NOS2: variants seen among roughly 807,000 people sequenced by gnomAD.
NOS2 encodes the protein nitric oxide synthase 2.
In NOS2, 96 loss-of-function variants were observed where a neutral mutation model predicts 136.0. The ratio of observed to expected loss-of-function variants is 0.71; its 90% CI spans 0.60 to 0.84. NOS2 has a LOEUF of 0.84. Ranked by LOEUF, NOS2 falls within the 40% of genes least tolerant of loss-of-function variation. The probability of loss-of-function intolerance (pLI) is 0.00; values close to 1 mark genes in which losing one functional copy is unlikely to be tolerated. For missense variants in NOS2, 1,237 were observed against 1,496.9 expected, an observed-to-expected ratio of 0.83 and a Z score of 2.87; for synonymous variants, 539 against 587.5, an observed-to-expected ratio of 0.92 and a Z score of 1.20.
At chr17:27,789,576 G>C in intron 3 of NOS2, 28 bp downstream of exon 3, 1 of 1,551,644 alleles carries the variant, frequency 6.4e-7, no homozygotes, top group Non-Finnish European at 8.9e-7. Flanking sequence ...GGAGGAAGGG[G>C]CTTCCCACAC....
chr17:27,787,441 G>A (rs766919180), intron 5 of NOS2, among the ~76,000 whole-genome samples: 11 of 152,174 alleles, frequency 7.2e-5, no homozygotes, highest in African/African-American at 1.9e-4. Context: ...GCCAGGGTTC[G>A]AATTCAGTCA....
chr17:27,769,594 G>C lies in NOS2; in HGVS notation c.1810-10C>G. 6.2e-7 allele frequency: 1 copy of C among 1,609,872 alleles called. No individual in the cohort carries two copies. The highest frequency in any genetic ancestry group is 8.5e-7 in the Non-Finnish European group (1 of 1,176,090). On this transcript the variant is annotated splice_polypyrimidine_tract_variant and intron_variant, in intron 15 of 26. Coordinates refer to ENST00000313735, the MANE Select transcript of NOS2 (RefSeq NM_000625.4). The stretch of plus-strand genomic sequence containing the variant: ...GCGATTTCTTCAGTTTCTAGAAAGA[G>C]AGGGAATGACAGAGTTCTCAAGCCA...
rs750022068 is a variant in NOS2 at position 27,778,690 on chromosome 17, C to T, written c.1281G>A (p.Gln427=). The change falls in exon 11 of 27, where the codon CAG becomes CAA. Residue 427 remains glutamine (Q), a splice_region_variant and synonymous_variant. Transcript: ENST00000313735. The part of the protein sequence containing the change: ...EINIAVLHSF[Q]KQNVTIMDHH... The stretch of plus-strand genomic sequence containing the variant: ...CAGACTCACAAAACTCCAGACATAC[C>T]TGGAAACTATGGAGCACAGCAATGT... The T allele has an allele frequency of 2.5e-6, 4 of 1,613,378 alleles. No homozygotes were observed. The highest frequency in any genetic ancestry group is 3.4e-6 in the Non-Finnish European group (4 of 1,179,328).
chr17:27,790,343 C>G (rs1450130250), intron 2 of NOS2, among the ~76,000 whole-genome samples: 1 of 152,216 alleles, frequency 6.6e-6, no homozygotes, highest in East Asian at 1.9e-4. Context: ...ATCCTCCCAC[C>G]TTAGCCTCCC....
chr17:27,787,365 G>A (rs1395866300), intron 5 of NOS2, among the ~76,000 whole-genome samples: 5 of 152,182 alleles, frequency 3.3e-5, no homozygotes, highest in Non-Finnish European at 1.5e-5. Flanking sequence ...TTTATATTAG[G>A]TTGGTGCAAA....
intron 16 of NOS2, 84 bp downstream of exon 16, chr17:27,769,450 CT>C: frequency 5.2e-6 from 6 of 1,162,974 alleles, no homozygotes; most frequent in Non-Finnish European, 7.8e-6. Flanking sequence ...AGAAGACCCC[CT>C]GTGCACACCC....
At chr17:27,772,562 G>C in intron 13 of NOS2, 110 bp from the exon 14 acceptor site, 2 of 1,297,600 alleles carry the variant, frequency 1.5e-6, no homozygotes, top group Non-Finnish European at 2.1e-6. Context: ...GGCAGGTTGA[G>C]GGAAAAGCAA....
intron 20 of NOS2, among the ~76,000 whole-genome samples, chr17:27,765,074 C>A (rs1009881125): frequency 6.6e-6 from 1 of 152,192 alleles, no homozygotes. Context: ...CACCTCCTGG[C>A]TTCAAGCGAT....
Position 27,767,739 on chromosome 17 carries a change from G to A in NOS2, c.2133C>T (p.Leu711=), listed in dbSNP as rs372087026. The part of the protein sequence containing the change: ...NVTWDPHHYR[L]VQDSQPLDLS... ...GGTCCAAAGGCTGTGAGTCCTGCAC[G>A]AGCCTGTAGTGGTGCGGGTCCCAGG... is the stretch of plus-strand genomic sequence containing the variant. Residue 711 remains leucine (L), a synonymous_variant, in exon 18 of 27, where the codon CTC becomes CTT. Transcript: ENST00000313735. 108 of 1,613,586 alleles carry A rather than the reference G, an allele frequency of 6.7e-5. No homozygotes were observed. The highest frequency in any genetic ancestry group is 8.6e-5 in the Non-Finnish European group (101 of 1,180,026).
Position 27,778,680 on chromosome 17 carries a change from C to G in NOS2, c.1281+10G>C, listed in dbSNP as rs1474682816. On this transcript the variant is annotated intron_variant, in intron 11 of 26. Coordinates refer to ENST00000313735, the MANE Select transcript of NOS2 (RefSeq NM_000625.4). ...AAAAAGTCTTCAGACTCACAAAACTCCAGACATACCTGGAAACTATGGAGC... is the reference window on the plus strand; with the variant it reads ...AAAAAGTCTTCAGACTCACAAAACTGCAGACATACCTGGAAACTATGGAGC... 3 of 1,610,722 alleles carry G rather than the reference C, an allele frequency of 1.9e-6. No homozygotes were observed. In the Admixed American group the frequency reaches 5.0e-5, roughly 27 times the overall value.
chr17:27,781,254 C>T, intron 7 of NOS2, 77 bp from the exon 8 acceptor site: 2 of 1,471,048 alleles, frequency 1.4e-6, no homozygotes, highest in Non-Finnish European at 9.2e-7. Context: ...GCCCTACCTC[C>T]CTCTCCACCC....
intron 9 of NOS2, 105 bp downstream of exon 9, chr17:27,780,662 G>A (rs923068290): frequency 1.4e-6 from 2 of 1,464,070 alleles, no homozygotes; most frequent in South Asian, 1.2e-5. Flanking sequence ...ACCTGCTGCT[G>A]GCTGGGCTTT....
At chr17:27,766,082 T>A (rs1038633039) in intron 19 of NOS2, among the ~76,000 whole-genome samples, 2 of 152,214 alleles carry the variant, frequency 1.3e-5, no homozygotes, top group African/African-American at 4.8e-5. Context: ...CAAGGCCAGT[T>A]TTCCTAATGC....
At chr17:27,798,988 G>A in intron 1 of NOS2, 106 bp from the exon 2 acceptor site, 1 of 599,380 alleles carries the variant, frequency 1.7e-6, no homozygotes, top group Non-Finnish European at 3.0e-6. Context: ...GCCAGCATGA[G>A]CCCCTTCATC....
intron 2 of NOS2, among the ~76,000 whole-genome samples, chr17:27,797,899 G>A (rs1177771360): frequency 2.0e-5 from 3 of 152,148 alleles, no homozygotes; most frequent in Non-Finnish European, 4.4e-5. Flanking sequence ...CAGGCTGGGG[G>A]AAGTCATAAT....
At chr17:27,799,224 G>A (rs1349432454) in intron 1 of NOS2, among the ~76,000 whole-genome samples, 1 of 152,194 alleles carries the variant, frequency 6.6e-6, no homozygotes, top group African/African-American at 2.4e-5. Flanking sequence ...GGCAGGGTGA[G>A]GAAGAGCCCG....
chr17:27,800,070 A>C (rs1006791232), intron 1 of NOS2, among the ~76,000 whole-genome samples: 1 of 152,234 alleles, frequency 6.6e-6, no homozygotes, highest in Non-Finnish European at 1.5e-5. Flanking sequence ...TGTTAAAAAA[A>C]ATTCTTAGCA....
chr17:27,757,282 C>T lies in NOS2; in HGVS notation c.3426G>A (p.Ala1142=), dbSNP rs763674458. 1.1e-5 allele frequency: 17 copies of T among 1,614,066 alleles called. No homozygotes were observed. The highest frequency in any genetic ancestry group is 1.4e-5 in the Non-Finnish European group (16 of 1,179,988). ...FPYEAKKDRV[A]VQPSSLEMSA... is the part of the protein sequence containing the mutation. ...ACATCTCCAGGCTGCTGGGCTGCAC[C>T]GCCACCCTGTCCTTCTTCGCCTCGT... is the stretch of plus-strand genomic sequence containing the variant. The change falls in exon 27 of 27, where the codon GCG becomes GCA. Residue 1142 remains alanine (A), a synonymous_variant. Coordinates refer to ENST00000313735, the MANE Select transcript of NOS2 (RefSeq NM_000625.4).
Position 27,769,588 on chromosome 17 carries a change from G to A in NOS2, c.1810-4C>T. On this transcript the variant is annotated splice_region_variant and splice_polypyrimidine_tract_variant and intron_variant, in intron 15 of 26. Transcript: ENST00000313735. Reference sequence around the variant, plus strand: ...TGAAGAGCGATTTCTTCAGTTTCTAGAAAGAGAGGGAATGACAGAGTTCTC... The same window carrying A: ...TGAAGAGCGATTTCTTCAGTTTCTAAAAAGAGAGGGAATGACAGAGTTCTC... 6.2e-7 allele frequency: 1 copy of A among 1,610,276 alleles called. No individual in the cohort carries two copies. Among genetic ancestry groups the A allele is most frequent in the Non-Finnish European group, 8.5e-7 (1 of 1,176,456 alleles).
Sources: gnomAD v4.1 joint callset for allele counts (sites outside exome capture counted in the v4.1 genomes callset) on GRCh38, gnomAD v4.1.1 for gene constraint, MANE v1.5 for transcripts, NCBI Gene and HGNC (gene_info 2026-07-23, HGNC 2026-07-21) for gene names.